Variants in SLC4A2 observed in about 807,000 individuals in gnomAD.
The protein encoded by SLC4A2 is anion exchange protein 2.
A neutral mutation model predicts 115.0 loss-of-function variants in SLC4A2; 36 were observed. That is an observed-to-expected ratio of 0.31 (90% CI 0.24 to 0.41). The LOEUF (loss-of-function observed/expected upper bound fraction) is 0.41. Among genes scored for constraint, SLC4A2 ranks in the 10% least tolerant of loss-of-function variants. The pLI, the probability that SLC4A2 is intolerant of heterozygous loss-of-function variation, is 1.00. For missense variants in SLC4A2, 1,252 were observed against 1,705.6 expected, an observed-to-expected ratio of 0.73 and a Z score of 4.68; for synonymous variants, 708 against 708.3, an observed-to-expected ratio of 1.00 and a Z score of 0.01.
intron 6 of SLC4A2, 31 bp downstream of exon 6, chr7:151,066,792 C>T: frequency 6.3e-7 from 1 of 1,588,320 alleles, no homozygotes; most frequent in Non-Finnish European, 8.6e-7. Flanking sequence ...AAGCCCGGCA[C>T]TGGTGGGCAA....
chr7:151,063,279 G>C, intron 2 of SLC4A2: 4 of 986,138 alleles, frequency 4.1e-6, no homozygotes, highest in African/African-American at 1.7e-5. Context: ...GAGCTCTCCT[G>C]GGGGCTGAAG....
chr7:151,066,691 G>T lies in SLC4A2; in HGVS notation c.753G>T (p.Leu251=), dbSNP rs1329347497. ...IGSMTGAEQA[L]LPRVPTDEIE... is the part of the protein sequence containing the mutation. ...GCATGACTGGGGCTGAGCAGGCACTGCTGCCCCGGGTCCCCACGGATGAGA... is the reference window on the plus strand; with the variant it reads ...GCATGACTGGGGCTGAGCAGGCACTTCTGCCCCGGGTCCCCACGGATGAGA... The change falls in exon 6 of 23, where the codon CTG becomes CTT. Residue 251 remains leucine, a synonymous_variant. Coordinates refer to ENST00000413384, the MANE Select transcript of SLC4A2 (RefSeq NM_003040.4). 1 of 1,551,658 alleles carries T rather than the reference G, an allele frequency of 6.4e-7. No homozygotes were observed. Among genetic ancestry groups the T allele is most frequent in the Non-Finnish European group, 8.7e-7 (1 of 1,147,454 alleles).
rs376108278 is a variant in SLC4A2 at position 151,075,298 on chromosome 7, G to A, written c.3091G>A (p.Gly1031Ser). 37 of 1,613,450 alleles carry A rather than the reference G, an allele frequency of 2.3e-5. 1 individual carries two copies. The South Asian group carries it at 2.6e-4, about 11-fold the overall frequency. The change falls in exon 20 of 23, where the codon GGC becomes AGC. Residue 1031 changes from glycine to serine, a missense_variant. Gly to Ser is a moderately conservative substitution (Grantham distance 56). Around this residue, in one of 14 missense-constraint regions of SLC4A2, gnomAD observed 253 missense variants for 407.4 expected, o/e 0.62. Transcript: ENST00000413384. ...GGAGCGCATGCTGCAGAAGGGCTCCGGCTTCCACCTGGACCTGCTGCTCAT... is the reference window on the plus strand; with the variant it reads ...GGAGCGCATGCTGCAGAAGGGCTCCAGCTTCCACCTGGACCTGCTGCTCAT... ...KKERMLQKGS[G>S]FHLDLLLIVA...
intron 12 of SLC4A2, 45 bp downstream of exon 12, chr7:151,070,956 C>T: frequency 6.2e-7 from 1 of 1,601,694 alleles, no homozygotes; most frequent in Non-Finnish European, 8.5e-7. Flanking sequence ...GGAGCCCATC[C>T]TAGGCCAGTC....
rs1343631606 is a variant in SLC4A2, at chr7:151,059,953, G to A, written c.-64+191G>A. 1 of 152,202 alleles carries A rather than the reference G, an allele frequency of 6.6e-6. No individual in the cohort carries two copies. The highest frequency in any genetic ancestry group is 2.4e-5 in the African/African-American group (1 of 41,406). The allele number at this position is 152,202 out of a possible 1,614,324, so 9.4% of individuals were successfully genotyped here. A position where few individuals can be genotyped will look rare whatever the true frequency, so the allele number is the denominator to read the frequency against. ...GCGGATGGAGTGCTGGTCGGAAGCG[G>A]GCATTCCGGGGTCCCCTTCTCAGAG... On this transcript the variant is annotated intron_variant, in intron 1 of 22. Coordinates refer to ENST00000413384, the MANE Select transcript of SLC4A2 (RefSeq NM_003040.4). The surrounding 1 kb of genome is among the most constrained non-coding windows in gnomAD (Gnocchi z 5.8).
chr7:151,071,602 C>T lies in SLC4A2; in HGVS notation c.2188C>T (p.Leu730=). 1 of 1,613,858 alleles carries T rather than the reference C, an allele frequency of 6.2e-7. No individual in the cohort carries two copies. Among genetic ancestry groups the T allele is most frequent in the Non-Finnish European group, 8.5e-7 (1 of 1,179,968 alleles). Residue 730 remains leucine, a synonymous_variant, in exon 14 of 23, where the codon CTG becomes TTG. Coordinates refer to ENST00000413384, the MANE Select transcript of SLC4A2 (RefSeq NM_003040.4). This position sits in a 1 kb window ranked among gnomAD's most constrained non-coding sequence, Gnocchi z 5.5. Reference sequence around the variant, plus strand: ...TCCTGCCATCACCTTTGGGGGGCTGCTGGGTGAGGAGAGCCTTCAGGTAGG... The same window carrying T: ...TCCTGCCATCACCTTTGGGGGGCTGTTGGGTGAGGAGAGCCTTCAGGTAGG... The part of the protein sequence containing the change: ...LSPAITFGGL[L]GEKTQDLIGV...
chr7:151,062,717 T>TC, intron 2 of SLC4A2: 1 of 1,422,702 alleles, frequency 7.0e-7, no homozygotes, highest in Non-Finnish European at 9.2e-7. Context: ...CCTGCGCCTC[T>TC]CCCCGTCCCC....
rs760317432 is a variant in SLC4A2, at chr7:151,070,342, G to A, written c.1445G>A (p.Arg482Gln). 8 of 1,610,624 alleles carry A rather than the reference G, an allele frequency of 5.0e-6. No homozygotes were observed. The highest frequency in any genetic ancestry group is 1.3e-5 in the African/African-American group (1 of 74,858). Residue 482 changes from arginine (R) to glutamine (Q), a missense_variant, in exon 10 of 23, where the codon CGA becomes CAA. Physicochemically the swap from Arg to Gln is conservative, Grantham distance 43. Around this residue, in one of 14 missense-constraint regions of SLC4A2, gnomAD observed 142 missense variants for 153.5 expected, o/e 0.93. Transcript: ENST00000413384. ...CCTGAGACCCGGCTGGAGGTGGAGC[G>A]AGAGGTGAGGGGAGAACCAGCCCTG... ...GVPETRLEVE[R>Q]ERELPPPAPP... is the part of the protein sequence containing the mutation.
chr7:151,070,376 G>A, intron 10 of SLC4A2, 30 bp downstream of exon 10: 1 of 1,609,258 alleles, frequency 6.2e-7, no homozygotes, highest in Non-Finnish European at 8.5e-7. Flanking sequence ...TGCCTGGGCT[G>A]GCGGCAGGGC....
chr7:151,075,212 C>A, intron 19 of SLC4A2, 43 bp from the exon 20 acceptor site: 1 of 1,608,104 alleles, frequency 6.2e-7, no homozygotes, highest in African/African-American at 1.3e-5. Flanking sequence ...GTCTGCGGAG[C>A]TGAGTCCAGC....
chr7:151,074,575 T>C, intron 18 of SLC4A2, 87 bp downstream of exon 18: 1 of 1,587,826 alleles, frequency 6.3e-7, no homozygotes, highest in Non-Finnish European at 8.6e-7. Context: ...ACCCAGCCTG[T>C]CCTTAAGCTT....
At chr7:151,068,244 A>G (rs1173502602) in intron 8 of SLC4A2, among the ~76,000 whole-genome samples, 190 bp downstream of exon 8, 1 of 152,186 alleles carries the variant, frequency 6.6e-6, no homozygotes, top group Non-Finnish European at 1.5e-5. Context: ...ACTGAAGCCG[A>G]TGTGTTTTGG....
chr7:151,062,450 CGCCCCTCCCTG>C, intron 2 of SLC4A2: 1 of 1,149,508 alleles, frequency 8.7e-7, no homozygotes, highest in Non-Finnish European at 1.2e-6. Flanking sequence ...CACCCAGGCC[CGCCCCTCCCTG>C]CCCCCACGTG....
intron 21 of SLC4A2, 56 bp from the exon 22 acceptor site, chr7:151,075,957 C>T (rs779969896): frequency 1.3e-6 from 2 of 1,519,742 alleles, no homozygotes; most frequent in African/African-American, 1.4e-5. Context: ...AAGAGAGAGG[C>T]TCTTCCCAGC....
In SLC4A2 at chr7:151,076,208, C is replaced by T. The variant is rs1217967953; in HGVS notation, c.3645+22C>T. ...ATGTGTAAGCCCTCCCGTCTGCCTC[C>T]CCCGGTTCCTCTTGCCTCCCTGTGG... On this transcript the variant is annotated intron_variant, in intron 22 of 22. Coordinates refer to ENST00000413384, the MANE Select transcript of SLC4A2 (RefSeq NM_003040.4). The T allele has an allele frequency of 1.9e-6, 3 of 1,611,074 alleles. No homozygotes were observed. In the African/African-American group the frequency reaches 4.0e-5, roughly 22 times the overall value.
chr7:151,060,102 G>A lies in SLC4A2; in HGVS notation c.-64+340G>A, dbSNP rs2150364015. ...CCCTCCCCTCCGGCCCCCCCGCATAGTCCTTCAGTCCCGTCCGGGGCGCCC... is the reference window on the plus strand; with the variant it reads ...CCCTCCCCTCCGGCCCCCCCGCATAATCCTTCAGTCCCGTCCGGGGCGCCC... On this transcript the variant is annotated intron_variant, in intron 1 of 22. Transcript: ENST00000413384. The surrounding 1 kb of genome is among the most constrained non-coding windows in gnomAD (Gnocchi z 5.9). 1 of 152,304 alleles carries A rather than the reference G, an allele frequency of 6.6e-6. No homozygotes were observed. Among genetic ancestry groups the A allele is most frequent in the East Asian group, 1.9e-4 (1 of 5,164 alleles). 9.4% of individuals were successfully genotyped at this position (152,304 alleles called of 1,614,324 possible). A position where few individuals can be genotyped will look rare whatever the true frequency, so the allele number is the denominator to read the frequency against.
At position 151,064,969 on chromosome 7, in the gene SLC4A2, A is replaced by C. The variant is rs1460303467; in HGVS notation, c.578+3A>C. On this transcript the variant is annotated splice_donor_region_variant and intron_variant, in intron 5 of 22. Coordinates refer to ENST00000413384, the MANE Select transcript of SLC4A2 (RefSeq NM_003040.4). ...GCCTCCAAAGGGGCCCAGGCTGGGT[A>C]AGTACACCCCAATCAACAGTGTCCC... The C allele has an allele frequency of 6.3e-7, 1 of 1,582,590 alleles. No homozygotes were observed. Among genetic ancestry groups the C allele is most frequent in the South Asian group, 1.1e-5 (1 of 90,494 alleles).
rs1797060465 is a variant in SLC4A2 at position 151,061,935 on chromosome 7, C to T, written c.-53C>T. On this transcript the variant is annotated 5_prime_UTR_variant, in exon 2 of 23. Coordinates refer to ENST00000413384, the MANE Select transcript of SLC4A2 (RefSeq NM_003040.4). The stretch of plus-strand genomic sequence containing the variant: ...CTCTCCCCCATCCAGGTTATGCCTC[C>T]GCCTCGTTGCCCTGAAAGCCGCAGC... 3.8e-6 allele frequency: 6 copies of T among 1,563,420 alleles called. No homozygotes were observed. Among genetic ancestry groups the T allele is most frequent in the East Asian group, 2.3e-5 (1 of 44,016 alleles).
chr7:151,067,381 G>A (rs754916556), intron 7 of SLC4A2, among the ~76,000 whole-genome samples: 6 of 152,138 alleles, frequency 3.9e-5, no homozygotes, highest in Admixed American at 2.0e-4. Flanking sequence ...CTGCCGCGCC[G>A]GGCCCAGGGA....
Sources: allele counts gnomAD v4.1 joint callset (sites outside exome capture counted in the v4.1 genomes callset), GRCh38; gene constraint gnomAD v4.1.1; regional missense constraint gnomAD v4.1.1; non-coding constraint Gnocchi (gnomAD v3.1); transcripts MANE v1.5; gene names NCBI Gene and HGNC (gene_info 2026-07-23, HGNC 2026-07-21).